The following PID1 variants were observed in gnomAD, a reference collection of about 807,000 sequenced individuals.
The protein encoded by PID1 is phosphotyrosine interaction domain containing 1.
Under a neutral mutation model 19.1 loss-of-function variants are expected in PID1, and 10 were observed. The ratio of observed to expected loss-of-function variants is 0.52; its 90% CI spans 0.32 to 0.89. PID1 has a LOEUF of 0.89. Among genes scored for constraint, PID1 ranks in the 40% least tolerant of loss-of-function variants. The pLI is 0.03. For missense variants in PID1, 248 were observed against 285.3 expected (o/e 0.87, Z 0.94); for synonymous variants, 130 against 116.0 (o/e 1.12, Z -0.78).
intron 2 of PID1, among the ~76,000 whole-genome samples, chr2:229,097,218 A>G (rs1694988938): frequency 6.6e-6 from 1 of 152,184 alleles, no homozygotes; most frequent in Non-Finnish European, 1.5e-5. Context: ...TGAAGAAGTC[A>G]CACTTGTTGG....
rs144570555 is a variant in PID1 at position 229,144,161 on chromosome 2, G to C, written c.177+11657C>G. On this transcript the variant is annotated intron_variant, in intron 2 of 2. Coordinates refer to ENST00000392055, the MANE Select transcript of PID1 (RefSeq NM_001100818.2). ...AATAAAGAAACTTTCAGATATAAAAGGCACACAATGTTTACTTCTGGGAGA... is the reference window on the plus strand; with the variant it reads ...AATAAAGAAACTTTCAGATATAAAACGCACACAATGTTTACTTCTGGGAGA... Among the ~76,000 whole-genome samples, 256 of 152,184 alleles carry C rather than the reference G, an allele frequency of 1.7e-3. 2 individuals carry two copies. The highest frequency in any genetic ancestry group is 5.8e-3 in the African/African-American group (241 of 41,526).
intron 2 of PID1, among the ~76,000 whole-genome samples, chr2:229,089,221 A>G (rs1694824616): frequency 6.6e-6 from 1 of 152,228 alleles, no homozygotes; most frequent in South Asian, 2.1e-4. Context: ...GCTTGCCTGC[A>G]GCTATTACTT....
intron 2 of PID1, among the ~76,000 whole-genome samples, chr2:229,053,194 T>C (rs1157275205): frequency 6.6e-6 from 1 of 152,208 alleles, no homozygotes; most frequent in Admixed American, 6.5e-5. Context: ...GCTGTAATTA[T>C]ATTAATTCTT....
At chr2:229,152,026 A>G (rs1166063117) in intron 2 of PID1, among the ~76,000 whole-genome samples, 14 of 152,218 alleles carry the variant, frequency 9.2e-5, no homozygotes, top group Admixed American at 9.2e-4. Context: ...CAGTAATTCC[A>G]GAGCCCAGTT....
intron 2 of PID1, among the ~76,000 whole-genome samples, chr2:229,125,405 CAA>C (rs5839305): frequency 1.4e-3 from 203 of 144,306 alleles, no homozygotes; most frequent in East Asian, 0.012. Context: ...TTCAAGTAGC[CAA>C]AAAAAAAAAA....
intron 2 of PID1, among the ~76,000 whole-genome samples, chr2:229,033,511 C>T (rs958982898): frequency 2.6e-5 from 4 of 151,814 alleles, no homozygotes; most frequent in African/African-American, 9.7e-5. Context: ...AGGGGAACAT[C>T]ACACACCAAG....
chr2:229,085,074 T>A (rs1025542838), intron 2 of PID1, among the ~76,000 whole-genome samples: 12 of 152,062 alleles, frequency 7.9e-5, no homozygotes, highest in Admixed American at 7.2e-4. Flanking sequence ...ACTAGGAAAA[T>A]GATACAAGAT....
At chr2:229,139,019 GAA>G (rs1322500379) in intron 2 of PID1, among the ~76,000 whole-genome samples, 15 of 81,750 alleles carry the variant, frequency 1.8e-4, no homozygotes, top group African/African-American at 6.3e-4. Flanking sequence ...AAGAAAGAAA[GAA>G]AGAAAGAAAG....
chr2:229,266,548 A>C (rs1690596408), intron 1 of PID1, among the ~76,000 whole-genome samples: 1 of 152,212 alleles, frequency 6.6e-6, no homozygotes, highest in South Asian at 2.1e-4. Context: ...AACTGTATTT[A>C]TTAATAACAA....
At chr2:229,128,439 G>A (rs995143269) in intron 2 of PID1, among the ~76,000 whole-genome samples, 2 of 152,166 alleles carry the variant, frequency 1.3e-5, no homozygotes, top group Non-Finnish European at 2.9e-5. Context: ...AGCGTTTCAA[G>A]TTGAAATGTA....
chr2:229,145,208 A>G (rs1690105236), intron 2 of PID1, among the ~76,000 whole-genome samples: 1 of 147,160 alleles, frequency 6.8e-6, no homozygotes, highest in South Asian at 2.1e-4. Flanking sequence ...ACAGCATTTT[A>G]AAAGTTAACA....
intron 2 of PID1, among the ~76,000 whole-genome samples, chr2:229,090,717 C>T (rs945140619): frequency 6.6e-6 from 1 of 152,140 alleles, no homozygotes; most frequent in African/African-American, 2.4e-5. Context: ...CAATGGAAGC[C>T]AGGCAAGAAA....
At chr2:229,135,585 A>G (rs374439213) in intron 2 of PID1, among the ~76,000 whole-genome samples, 6 of 152,320 alleles carry the variant, frequency 3.9e-5, no homozygotes, top group East Asian at 3.9e-4. Flanking sequence ...GCACTGATGC[A>G]AAGTATTGTA....
At chr2:229,161,354 T>G (rs1690489435) in intron 1 of PID1, among the ~76,000 whole-genome samples, 1 of 152,166 alleles carries the variant, frequency 6.6e-6, no homozygotes, top group Admixed American at 6.5e-5. Context: ...TGGATCCAGC[T>G]GTGTCTAACT....
chr2:229,038,386 T>G (rs1693704716), intron 2 of PID1, among the ~76,000 whole-genome samples: 1 of 152,112 alleles, frequency 6.6e-6, no homozygotes, highest in Non-Finnish European at 1.5e-5. Context: ...GTGGAACAAC[T>G]TGGATGAATC....
chr2:229,200,923 T>C (rs991462382), intron 1 of PID1, among the ~76,000 whole-genome samples: 11 of 152,010 alleles, frequency 7.2e-5, no homozygotes, highest in African/African-American at 2.7e-4. Flanking sequence ...GAGAACACAA[T>C]GCAGAATGGA....
intron 1 of PID1, among the ~76,000 whole-genome samples, chr2:229,222,178 T>G (rs114375327): frequency 0.012 from 1,760 of 152,282 alleles, 30 homozygotes; most frequent in African/African-American, 0.04. Context: ...ACCTCTAACT[T>G]CTATTCAACC....
intron 1 of PID1, among the ~76,000 whole-genome samples, chr2:229,257,794 C>T (rs1690343152): frequency 6.6e-6 from 1 of 152,192 alleles, no homozygotes; most frequent in Non-Finnish European, 1.5e-5. Context: ...TACTGAGGGT[C>T]AGTTGCCACT....
At chr2:229,171,860 T>C (rs1483391431) in intron 1 of PID1, among the ~76,000 whole-genome samples, 2 of 152,286 alleles carry the variant, frequency 1.3e-5, no homozygotes, top group Non-Finnish European at 1.5e-5. Context: ...ATCAACTCCA[T>C]AGCTTCAACC....
Sources: allele counts gnomAD v4.1 joint callset (sites outside exome capture counted in the v4.1 genomes callset), GRCh38; gene constraint gnomAD v4.1.1; transcripts MANE v1.5; gene names NCBI Gene and HGNC (gene_info 2026-07-23, HGNC 2026-07-21).